TWIST2: variants seen among roughly 807,000 people sequenced by gnomAD.
TWIST2 encodes twist-related protein 2.
Under a neutral mutation model 11.6 loss-of-function variants are expected in TWIST2, and 1 was observed. That is an observed-to-expected ratio of 0.09 (90% confidence interval 0.03 to 0.41). The LOEUF (loss-of-function observed/expected upper bound fraction) is 0.41. Ranked by LOEUF, TWIST2 falls within the 10% of genes least tolerant of loss-of-function variation. TWIST2 has a pLI of 0.98. For synonymous variants in TWIST2, 87 were observed against 96.6 expected (o/e 0.90, Z 0.58); for missense variants, 168 against 226.4 (o/e 0.74, Z 1.66).
intron 1 of TWIST2, among the ~76,000 whole-genome samples, chr2:238,889,557 C>T (rs962917899): frequency 5.3e-5 from 8 of 152,204 alleles, no homozygotes; most frequent in Non-Finnish European, 5.9e-5. Flanking sequence ...AGCAGAGCTC[C>T]GTGCTCACTT....
chr2:238,894,243 C>G (rs1217488785), intron 1 of TWIST2, among the ~76,000 whole-genome samples: 1 of 152,224 alleles, frequency 6.6e-6, no homozygotes, highest in Non-Finnish European at 1.5e-5. Flanking sequence ...GCTGAGTGAA[C>G]TGCCCTTCAG....
Position 238,848,399 on chromosome 2 carries a change from G to A in TWIST2, c.184G>A (p.Glu62Lys), listed in dbSNP as rs1465542377. ...KKGSPSAQSF[E>K]ELQSQRILAN... ...GGGCAGCCCCAGCGCGCAGTCCTTC[G>A]AGGAGCTGCAGAGCCAGCGCATCCT... Residue 62 changes from glutamate (E) to lysine (K), a missense_variant, in exon 1 of 2, where the codon GAG becomes AAG. Coordinates refer to ENST00000612363, the MANE Select transcript of TWIST2 (RefSeq NM_001271893.4). The A allele has an allele frequency of 6.5e-7, 1 of 1,536,586 alleles. No individual in the cohort carries two copies. Among genetic ancestry groups the A allele is most frequent in the East Asian group, 2.4e-5 (1 of 40,872 alleles).
chr2:238,865,559 G>C (rs1692515473), intron 1 of TWIST2, among the ~76,000 whole-genome samples: 1 of 152,222 alleles, frequency 6.6e-6, no homozygotes, highest in African/African-American at 2.4e-5. Context: ...GAAGTGAGCA[G>C]ATCAAACCCC....
At chr2:238,873,640 G>T (rs1217734936) in intron 1 of TWIST2, among the ~76,000 whole-genome samples, 3 of 152,180 alleles carry the variant, frequency 2.0e-5, no homozygotes, top group Admixed American at 6.5e-5. Context: ...CGGGCAGGTG[G>T]GTCCGAGCGC....
intron 1 of TWIST2, among the ~76,000 whole-genome samples, chr2:238,873,690 A>G (rs904409094): frequency 3.3e-5 from 5 of 152,198 alleles, no homozygotes; most frequent in African/African-American, 9.6e-5. Context: ...GGGAGGACAG[A>G]AGCAAAGTTG....
rs1692569030 is a variant in TWIST2, at chr2:238,867,737, A to G, written c.*35+19004A>G. Reference sequence around the variant, plus strand: ...TGAGTGCCCTGAAACTAGAAACTGAAAAGGCAGTCACATCCTCATCAGAAA... The same window carrying G: ...TGAGTGCCCTGAAACTAGAAACTGAGAAGGCAGTCACATCCTCATCAGAAA... On this transcript the variant is annotated intron_variant, in intron 1 of 1. Coordinates refer to ENST00000612363, the MANE Select transcript of TWIST2 (RefSeq NM_001271893.4). The surrounding 1 kb of genome is among the most constrained non-coding windows in gnomAD (Gnocchi z 4.8). Among the ~76,000 whole-genome samples the G allele has an allele frequency of 6.6e-6, 1 of 152,152 alleles. No homozygotes were observed. Among genetic ancestry groups the G allele is most frequent in the Non-Finnish European group, 1.5e-5 (1 of 68,038 alleles).
At chr2:238,849,571 A>AT (rs1031866031) in intron 1 of TWIST2, among the ~76,000 whole-genome samples, 2 of 152,138 alleles carry the variant, frequency 1.3e-5, no homozygotes, top group Non-Finnish European at 2.9e-5. Flanking sequence ...GGCCCCGCCC[A>AT]TCCAGCCCCG....
At chr2:238,883,525 G>A (rs1425760364) in intron 1 of TWIST2, among the ~76,000 whole-genome samples, 6 of 152,354 alleles carry the variant, frequency 3.9e-5, no homozygotes, top group Admixed American at 1.3e-4. Context: ...GCTGCAGAGC[G>A]AGGCGGAGAT....
At chr2:238,868,268 A>G (rs1282357674) in intron 1 of TWIST2, among the ~76,000 whole-genome samples, 1 of 152,200 alleles carries the variant, frequency 6.6e-6, no homozygotes, top group East Asian at 1.9e-4. Flanking sequence ...TCTGGGGTGC[A>G]GACAAGCTGG....
At position 238,880,115 on chromosome 2, in the gene TWIST2, G is replaced by A. The variant is rs139263507; in HGVS notation, c.*36-29727G>A. 6.9e-3 allele frequency among the ~76,000 whole-genome samples: 1,047 copies of A among 152,146 alleles called. 13 individuals are homozygous for A. Among genetic ancestry groups the A allele is most frequent in the African/African-American group, 0.024 (992 of 41,462 alleles). ...TTAGTGTTAGTATTTATTTATACTC[G>A]TGCTAGCGTTAGTATTAGTGTGTTA... On this transcript the variant is annotated intron_variant, in intron 1 of 1. Transcript: ENST00000612363.
intron 1 of TWIST2, among the ~76,000 whole-genome samples, chr2:238,898,508 T>A (rs1693232037): frequency 6.6e-6 from 1 of 152,168 alleles, no homozygotes. Flanking sequence ...GATGCAAAGA[T>A]CGCTTGGATC....
chr2:238,887,163 G>A (rs1001710709), intron 1 of TWIST2: 1 of 151,950 alleles, frequency 6.6e-6, no homozygotes, highest in Non-Finnish European at 1.5e-5. Flanking sequence ...ACCCCTTAGA[G>A]GAGGAAGAGG....
At chr2:238,907,725 AAC>A (rs1166759115) in intron 1 of TWIST2, among the ~76,000 whole-genome samples, 37 of 148,940 alleles carry the variant, frequency 2.5e-4, no homozygotes, top group African/African-American at 6.8e-4. Context: ...TACACACACA[AAC>A]ACACACATAA....
chr2:238,898,280 G>T (rs1172086877), intron 1 of TWIST2, among the ~76,000 whole-genome samples: 1 of 152,220 alleles, frequency 6.6e-6, no homozygotes, highest in Non-Finnish European at 1.5e-5. Flanking sequence ...GGGCTGAGTT[G>T]TCACAGGAGA....
chr2:238,906,573 T>C (rs1191412121), intron 1 of TWIST2, among the ~76,000 whole-genome samples: 3 of 152,062 alleles, frequency 2.0e-5, no homozygotes, highest in Admixed American at 6.5e-5. Flanking sequence ...TCACACAATT[T>C]ACACAACTTG....
intron 1 of TWIST2, among the ~76,000 whole-genome samples, chr2:238,904,759 C>T (rs1384937071): frequency 3.3e-5 from 5 of 150,496 alleles, no homozygotes; most frequent in Admixed American, 2.6e-4. Flanking sequence ...TCAATTATGT[C>T]GCAGGAATGG....
intron 1 of TWIST2, among the ~76,000 whole-genome samples, chr2:238,898,863 C>T (rs1258134915): frequency 6.6e-6 from 1 of 152,250 alleles, no homozygotes; most frequent in Non-Finnish European, 1.5e-5. Context: ...CAGGTTTGCT[C>T]AGGCACAGCT....
In TWIST2 at chr2:238,907,746, A is replaced by AAC. The variant is rs1243899279; in HGVS notation, c.*36-2086_*36-2085dup. ...CACAAACACACACATAAACGCACACAACACACACACAAAAACACACAAACA... is the reference window on the plus strand; with the variant it reads ...CACAAACACACACATAAACGCACACAACACACACACACAAAAACACACAAACA... On this transcript the variant is annotated intron_variant, in intron 1 of 1. Coordinates refer to ENST00000612363, the MANE Select transcript of TWIST2 (RefSeq NM_001271893.4). Among the ~76,000 whole-genome samples, 7 of 128,828 alleles carry AAC rather than the reference A, an allele frequency of 5.4e-5. No individual in the cohort carries two copies. The South Asian group carries it at 7.6e-4, about 14-fold the overall frequency. The allele number at this position is 128,828 out of a possible 152,430, so 84.5% of individuals were successfully genotyped here.
chr2:238,873,645 G>C (rs754564093), intron 1 of TWIST2, among the ~76,000 whole-genome samples: 1 of 152,150 alleles, frequency 6.6e-6, no homozygotes, highest in African/African-American at 2.4e-5. Context: ...AGGTGGGTCC[G>C]AGCGCTCCTC....
Sources: allele counts gnomAD v4.1 joint callset (sites outside exome capture counted in the v4.1 genomes callset), GRCh38; gene constraint gnomAD v4.1.1; non-coding constraint Gnocchi (gnomAD v3.1); transcripts MANE v1.5; gene names NCBI Gene and HGNC (gene_info 2026-07-23, HGNC 2026-07-21).